WDR86: variants seen among roughly 807,000 people sequenced by gnomAD.
WDR86 encodes the protein WD repeat-containing protein 86.
A neutral mutation model predicts 36.5 loss-of-function variants in WDR86; 30 were observed. The observed-to-expected ratio is 0.82, with a 90% confidence interval of 0.61 to 1.11. WDR86 has a LOEUF of 1.11. WDR86 is among the 50% of genes most tolerant of loss of function. WDR86 has a pLI of 0.00. For synonymous variants in WDR86, 255 were observed against 252.9 expected, an observed-to-expected ratio of 1.01 and a Z score of -0.08; for missense variants, 545 against 561.2, an observed-to-expected ratio of 0.97 and a Z score of 0.29.
chr7:151,404,022 T>C (rs2150862357), intron 1 of WDR86, among the ~76,000 whole-genome samples: 1 of 152,274 alleles, frequency 6.6e-6, no homozygotes, highest in African/African-American at 2.4e-5. Flanking sequence ...AGAAAAGCAC[T>C]TAAAAGCCAA....
downstream of WDR86, chr7:151,374,388 C>A: frequency 1.8e-6 from 2 of 1,114,096 alleles, no homozygotes; most frequent in Non-Finnish European, 2.6e-6. Flanking sequence ...TTCTCCTGGG[C>A]TCCAGCCCAG....
At position 151,409,809 on chromosome 7, in the gene WDR86, C is replaced by T. The variant is rs895227766; in HGVS notation, c.-220G>A. On this transcript the variant is annotated 5_prime_UTR_variant, in exon 1 of 6. Coordinates refer to ENST00000334493, the MANE Select transcript of WDR86 (RefSeq NM_198285.3). This position sits in a 1 kb window ranked among gnomAD's most constrained non-coding sequence, Gnocchi z 5.2. Reference sequence around the variant, plus strand: ...GAACCCAGGGCGCTGCGGGGGGCGGCCCACTCGGGACCTCCGCCCTGGGTA... The same window carrying T: ...GAACCCAGGGCGCTGCGGGGGGCGGTCCACTCGGGACCTCCGCCCTGGGTA... The T allele has an allele frequency of 4.8e-5, 61 of 1,261,056 alleles. No homozygotes were observed. Among genetic ancestry groups the T allele is most frequent in the Non-Finnish European group, 6.0e-5 (60 of 1,006,544 alleles). The allele number at this position is 1,261,056 out of a possible 1,614,324, so 78.1% of individuals were successfully genotyped here.
chr7:151,372,433 G>A (rs1325996620), downstream of WDR86, among the ~76,000 whole-genome samples: 2 of 152,222 alleles, frequency 1.3e-5, no homozygotes, highest in Non-Finnish European at 2.9e-5. Flanking sequence ...GCCCAGGTCC[G>A]CTGGCTGGCA....
chr7:151,408,974 C>A, intron 1 of WDR86: 1 of 474,636 alleles, frequency 2.1e-6, no homozygotes, highest in South Asian at 1.5e-5. Context: ...CCTTAACAAG[C>A]GTCTACTGTT....
At chr7:151,385,277 G>A (rs1468817613) in intron 3 of WDR86, 54 bp from the exon 4 acceptor site, 1 of 1,601,636 alleles carries the variant, frequency 6.2e-7, no homozygotes, top group African/African-American at 1.3e-5. Flanking sequence ...AAGCCCCCCA[G>A]ACCTCTCCCT....
chr7:151,396,310 G>T, intron 2 of WDR86, 114 bp from the exon 3 acceptor site: 1 of 1,215,796 alleles, frequency 8.2e-7, no homozygotes, highest in Admixed American at 2.0e-5. Context: ...CCCTGTGTCT[G>T]CCCAGCTTGC....
At position 151,381,131 on chromosome 7, in the gene WDR86, G is replaced by C; in HGVS notation, c.*451C>G. On this transcript the variant is annotated 3_prime_UTR_variant, in exon 6 of 6. Transcript: ENST00000334493. This position sits in a 1 kb window ranked among gnomAD's most constrained non-coding sequence, Gnocchi z 4.8. ...AAGAGGACACAGGAGCACTTTTAAC[G>C]TTCAGGCTGTATATTTCAGTTCCCC... The C allele has an allele frequency of 8.1e-7, 1 of 1,229,160 alleles. No individual in the cohort carries two copies. The highest frequency in any genetic ancestry group is 1.0e-6 in the Non-Finnish European group (1 of 985,850). 76.1% of individuals were successfully genotyped at this position (1,229,160 alleles called of 1,614,324 possible).
intron 3 of WDR86, among the ~76,000 whole-genome samples, chr7:151,389,806 G>A (rs1156820510): frequency 2.0e-5 from 3 of 152,214 alleles, no homozygotes; most frequent in East Asian, 3.9e-4. Context: ...CATAGACCAC[G>A]GGTCAGTGAC....
rs575558464 is a variant in WDR86, at chr7:151,401,142, C to A, written c.164-901G>T. ...ATCCTCCCTCCAGCCGGTCTTTGCT[C>A]TCTCATCCTCACAGGCAGCCTACCC... On this transcript the variant is annotated intron_variant, in intron 1 of 5. Transcript: ENST00000334493. The surrounding 1 kb of genome is among the most constrained non-coding windows in gnomAD (Gnocchi z 4.3). Among the ~76,000 whole-genome samples, 10 of 152,314 alleles carry A rather than the reference C, an allele frequency of 6.6e-5. No individual in the cohort carries two copies. The highest frequency in any genetic ancestry group is 2.1e-4 in the South Asian group (1 of 4,820).
Position 151,381,894 on chromosome 7 carries a change from A to G in WDR86, c.950T>C (p.Ile317Thr). The change falls in exon 5 of 6, where the codon ATC (isoleucine) becomes ACC (threonine). Residue 317 changes from isoleucine to threonine, a missense_variant. Coordinates refer to ENST00000334493, the MANE Select transcript of WDR86 (RefSeq NM_198285.3). The surrounding 1 kb of genome is among the most constrained non-coding windows in gnomAD (Gnocchi z 4.8). ...LRRVFRGHTF[I>T]INCIQVHGQV... ...GGGACCTACCTGGATGCAGTTGATG[A>G]TGAATGTGTGGCCCCGGAACACCCT... 2 of 1,609,698 alleles carry G rather than the reference A, an allele frequency of 1.2e-6. No individual in the cohort carries two copies. Among genetic ancestry groups the G allele is most frequent in the Non-Finnish European group, 8.5e-7 (1 of 1,178,532 alleles).
In WDR86 at chr7:151,409,292, G is replaced by A; in HGVS notation, c.163+135C>T. 7.3e-7 allele frequency: 1 copy of A among 1,377,260 alleles called. No homozygotes were observed. The highest frequency in any genetic ancestry group is 9.9e-7 in the Non-Finnish European group (1 of 1,005,594). 85.3% of individuals were successfully genotyped at this position (1,377,260 alleles called of 1,614,324 possible). On this transcript the variant is annotated intron_variant, in intron 1 of 5. Transcript: ENST00000334493. The surrounding 1 kb of genome is among the most constrained non-coding windows in gnomAD (Gnocchi z 5.2). ...AGCCAGATGCTGGGCCCAGACAAGC[G>A]CTCTTCCGCTAGTGTGCCGGGATGA... is the stretch of plus-strand genomic sequence containing the variant.
At chr7:151,374,390 C>G, downstream of WDR86, 3 of 1,076,942 alleles carry the variant, frequency 2.8e-6, no homozygotes, top group Non-Finnish European at 4.1e-6. Flanking sequence ...CTCCTGGGCT[C>G]CAGCCCAGAC....
rs974416252 is a variant in WDR86 at position 151,409,471 on chromosome 7, C to T, written c.119G>A (p.Arg40Gln). 1 of 1,537,678 alleles carries T rather than the reference C, an allele frequency of 6.5e-7. No individual in the cohort carries two copies. Among genetic ancestry groups the T allele is most frequent in the Non-Finnish European group, 8.7e-7 (1 of 1,147,424 alleles). The change falls in exon 1 of 6, where the codon CGG becomes CAG. Residue 40 changes from arginine (R) to glutamine (Q), a missense_variant. By Grantham distance (43) the Arg-to-Gln change is conservative (BLOSUM62 1). Coordinates refer to ENST00000334493, the MANE Select transcript of WDR86 (RefSeq NM_198285.3). The surrounding 1 kb of genome is among the most constrained non-coding windows in gnomAD (Gnocchi z 5.2). ...CTGGCCGTCCGCGGTGCTCCAGAGC[C>T]GGGCCGTGCCGTCCTCGCTGCCCGT... The part of the protein sequence containing the change: ...LLTGSEDGTA[R>Q]LWSTADGQCC...
In WDR86 at chr7:151,401,047, C is replaced by T. The variant is rs939794011; in HGVS notation, c.164-806G>A. Among the ~76,000 whole-genome samples the T allele has an allele frequency of 2.6e-5, 4 of 152,212 alleles. No homozygotes were observed. The highest frequency in any genetic ancestry group is 5.9e-5 in the Non-Finnish European group (4 of 68,036). On this transcript the variant is annotated intron_variant, in intron 1 of 5. Coordinates refer to ENST00000334493, the MANE Select transcript of WDR86 (RefSeq NM_198285.3). The surrounding 1 kb of genome is among the most constrained non-coding windows in gnomAD (Gnocchi z 4.3). ...TGCACAGCCACTGTGCATGAGCACC[C>T]AGAACATGCTTCCCAGCAACCCCCT...
rs921335190 is a variant in WDR86 at position 151,409,222 on chromosome 7, C to A, written c.163+205G>T. 8.1e-6 allele frequency: 7 copies of A among 859,124 alleles called. No homozygotes were observed. Among genetic ancestry groups the A allele is most frequent in the Non-Finnish European group, 1.3e-5 (7 of 549,484 alleles). The allele number at this position is 859,124 out of a possible 1,614,324, so 53.2% of individuals were successfully genotyped here. On this transcript the variant is annotated intron_variant, in intron 1 of 5. Coordinates refer to ENST00000334493, the MANE Select transcript of WDR86 (RefSeq NM_198285.3). This position sits in a 1 kb window ranked among gnomAD's most constrained non-coding sequence, Gnocchi z 5.2. ...TCCCGGCCGCACCCTGCTCTGCACCCGCACCCCACCCCCAGACCTCACCCT... is the reference window on the plus strand; with the variant it reads ...TCCCGGCCGCACCCTGCTCTGCACCAGCACCCCACCCCCAGACCTCACCCT...
chr7:151,372,928 G>T (rs1798028564), downstream of WDR86, among the ~76,000 whole-genome samples: 1 of 152,184 alleles, frequency 6.6e-6, no homozygotes, highest in African/African-American at 2.4e-5. Context: ...GTTCTCCTGT[G>T]ATAGAGACAG....
downstream of WDR86, chr7:151,376,623 C>T: frequency 6.3e-7 from 1 of 1,599,400 alleles, no homozygotes; most frequent in South Asian, 1.1e-5. Context: ...GACCCCTGCG[C>T]TCTCCCCTAG....
At chr7:151,402,239 G>A (rs538137569) in intron 1 of WDR86, among the ~76,000 whole-genome samples, 16 of 151,490 alleles carry the variant, frequency 1.1e-4, no homozygotes, top group Admixed American at 2.6e-4. Context: ...GGAACCGACC[G>A]TTCCCTGCAG....
rs1265620397 is a variant in WDR86, at chr7:151,401,877, G to A, written c.164-1636C>T. ...AGCCTGGCTAAGATGGTGAAACCCC[G>A]TCTCTACTAAAAATACAAAAAATTA... On this transcript the variant is annotated intron_variant, in intron 1 of 5. Coordinates refer to ENST00000334493, the MANE Select transcript of WDR86 (RefSeq NM_198285.3). This position sits in a 1 kb window ranked among gnomAD's most constrained non-coding sequence, Gnocchi z 4.3. Among the ~76,000 whole-genome samples, 5 of 150,542 alleles carry A rather than the reference G, an allele frequency of 3.3e-5. No individual in the cohort carries two copies. The highest frequency in any genetic ancestry group is 7.4e-5 in the African/African-American group (3 of 40,718).
Sources: gnomAD v4.1 joint callset for allele counts (sites outside exome capture counted in the v4.1 genomes callset) on GRCh38, gnomAD v4.1.1 for gene constraint, Gnocchi (gnomAD v3.1) non-coding constraint, MANE v1.5 for transcripts, NCBI Gene and HGNC (gene_info 2026-07-23, HGNC 2026-07-21) for gene names.